DOK6: variants seen among roughly 807,000 people sequenced by gnomAD.
DOK6 encodes the protein downstream of tyrosine kinase 6.
Under a neutral mutation model 44.0 loss-of-function variants are expected in DOK6, and 22 were observed. The ratio of observed to expected loss-of-function variants is 0.50; its 90% confidence interval spans 0.36 to 0.71. The LOEUF is 0.71. DOK6 is among the 30% of genes least tolerant of loss of function. The probability of loss-of-function intolerance (pLI) is 0.00; values close to 1 mark genes in which losing one functional copy is unlikely to be tolerated. For missense variants in DOK6, 340 were observed against 416.4 expected, an observed-to-expected ratio of 0.82 and a Z score of 1.60; for synonymous variants, 166 against 145.5, an observed-to-expected ratio of 1.14 and a Z score of -1.01.
chr18:69,553,889 C>A (rs1982625659), intron 1 of DOK6, among the ~76,000 whole-genome samples: 2 of 152,188 alleles, frequency 1.3e-5, no homozygotes, highest in East Asian at 3.9e-4. Context: ...TGCTCCTTTA[C>A]AAATTTCAGT....
intron 3 of DOK6, among the ~76,000 whole-genome samples, chr18:69,617,726 AAAAGGGGGAAGGAGG>A (rs1568312817): frequency 0.012 from 1,401 of 112,882 alleles, 1 homozygote; most frequent in East Asian, 0.027. Context: ...AAAGAAAGAA[AAAAGGGGGAAGGAGG>A]GAAGGAAGGA....
rs1982314324 is a variant in DOK6 at position 69,844,965 on chromosome 18, T to C, written c.*3582T>C. The C allele has an allele frequency of 6.6e-6, 1 of 152,188 alleles. No individual in the cohort carries two copies. Among genetic ancestry groups the C allele is most frequent in the South Asian group, 2.1e-4 (1 of 4,828 alleles). 9.4% of individuals were successfully genotyped at this position (152,188 alleles called of 1,614,324 possible). Reference sequence around the variant, plus strand: ...TAGAAAGAGTGGACTGATAAATAACTTTACATTGTTGGTAGTAGTTTCTAC... The same window carrying C: ...TAGAAAGAGTGGACTGATAAATAACCTTACATTGTTGGTAGTAGTTTCTAC... On this transcript the variant is annotated 3_prime_UTR_variant, in exon 8 of 8. Transcript: ENST00000382713.
At chr18:69,572,013 A>G (rs1021454781) in intron 2 of DOK6, among the ~76,000 whole-genome samples, 1 of 152,098 alleles carries the variant, frequency 6.6e-6, no homozygotes, top group African/African-American at 2.4e-5. Context: ...ATTGAAAAAT[A>G]TTGTGTTCTT....
chr18:69,781,575 C>T (rs1382678654), intron 7 of DOK6, among the ~76,000 whole-genome samples: 3 of 152,108 alleles, frequency 2.0e-5, no homozygotes, highest in East Asian at 1.9e-4. Flanking sequence ...TATTACTAAC[C>T]GTTTCTGCAT....
intron 5 of DOK6, among the ~76,000 whole-genome samples, chr18:69,715,927 A>C (rs1161237245): frequency 6.6e-6 from 1 of 152,118 alleles, no homozygotes; most frequent in Non-Finnish European, 1.5e-5. Context: ...TTATATCACT[A>C]CTCTATGAAG....
chr18:69,441,231 T>C (rs895832699), intron 1 of DOK6, among the ~76,000 whole-genome samples: 5 of 152,136 alleles, frequency 3.3e-5, no homozygotes, highest in Non-Finnish European at 7.4e-5. Flanking sequence ...ACTGTTACTG[T>C]AACGTCAAAA....
At chr18:69,748,661 A>T (rs904773707) in intron 6 of DOK6, among the ~76,000 whole-genome samples, 3 of 152,170 alleles carry the variant, frequency 2.0e-5, no homozygotes, top group Admixed American at 6.5e-5. Flanking sequence ...CAAACAACAG[A>T]TGCTGGCAAG....
chr18:69,629,045 A>G (rs2144644250), intron 3 of DOK6, among the ~76,000 whole-genome samples: 1 of 152,350 alleles, frequency 6.6e-6, no homozygotes, highest in Middle Eastern at 3.4e-3. Context: ...AAAAGTGTCA[A>G]TTTAGTCACA....
At chr18:69,636,549 C>T (rs918425268) in intron 3 of DOK6, among the ~76,000 whole-genome samples, 2 of 152,198 alleles carry the variant, frequency 1.3e-5, no homozygotes, top group African/African-American at 4.8e-5. Flanking sequence ...CATTTAACTC[C>T]ACTCATGAAT....
chr18:69,652,684 G>A (rs780658551), intron 3 of DOK6, among the ~76,000 whole-genome samples: 2 of 152,074 alleles, frequency 1.3e-5, no homozygotes, highest in Non-Finnish European at 2.9e-5. Flanking sequence ...TAGGATGTTT[G>A]GGTTCTCAGG....
At chr18:69,834,471 G>C (rs1981987387) in intron 7 of DOK6, among the ~76,000 whole-genome samples, 1 of 152,100 alleles carries the variant, frequency 6.6e-6, no homozygotes, top group Non-Finnish European at 1.5e-5. Context: ...TAGTATAGTA[G>C]ATAAATTATA....
At chr18:69,446,506 A>G (rs1211763144) in intron 1 of DOK6, among the ~76,000 whole-genome samples, 1 of 152,024 alleles carries the variant, frequency 6.6e-6, no homozygotes, top group African/African-American at 2.4e-5. Context: ...GAGTAGTGCC[A>G]CAATAAACAT....
At chr18:69,494,726 C>T (rs1248382823) in intron 1 of DOK6, among the ~76,000 whole-genome samples, 1 of 152,048 alleles carries the variant, frequency 6.6e-6, no homozygotes, top group African/African-American at 2.4e-5. Context: ...GTCTTATTAC[C>T]TTCTCATTTT....
intron 7 of DOK6, among the ~76,000 whole-genome samples, chr18:69,807,547 G>A (rs1981089672): frequency 6.6e-6 from 1 of 151,828 alleles, no homozygotes; most frequent in Admixed American, 6.6e-5. Context: ...GCTTATAAGA[G>A]ACTCACTTCA....
intron 3 of DOK6, among the ~76,000 whole-genome samples, chr18:69,606,207 G>T (rs1035174560): frequency 3.3e-5 from 5 of 151,808 alleles, no homozygotes; most frequent in Non-Finnish European, 7.4e-5. Flanking sequence ...GGAAGGCAGA[G>T]GTTGCAGTAA....
At position 69,702,532 on chromosome 18, in the gene DOK6, A is replaced by C. The variant is rs1274461649; in HGVS notation, c.599+3939A>C. Among the ~76,000 whole-genome samples, 3 of 152,220 alleles carry C rather than the reference A, an allele frequency of 2.0e-5. No individual in the cohort carries two copies. In the East Asian group the frequency reaches 5.8e-4, roughly 29 times the overall value. ...TCACTACCACCACTTGGCAGCCATC[A>C]TTTGGAGGCTGCTGTTCCATAGACG... On this transcript the variant is annotated intron_variant, in intron 5 of 7. Transcript: ENST00000382713.
chr18:69,634,849 A>T lies in DOK6; in HGVS notation c.289+35351A>T, dbSNP rs118184056. The stretch of plus-strand genomic sequence containing the variant: ...AGATTCCTTTACCATATTACTGGTA[A>T]AATTAAACATCCTTGGTATTTTGTA... On this transcript the variant is annotated intron_variant, in intron 3 of 7. Coordinates refer to ENST00000382713, the MANE Select transcript of DOK6 (RefSeq NM_152721.6). Among the ~76,000 whole-genome samples the T allele has an allele frequency of 7.6e-3, 1,154 of 152,310 alleles. 13 individuals are homozygous for T. Among genetic ancestry groups the T allele is most frequent in the South Asian group, 0.02 (95 of 4,822 alleles).
chr18:69,557,663 A>G (rs1276338856), intron 1 of DOK6, among the ~76,000 whole-genome samples: 1 of 152,110 alleles, frequency 6.6e-6, no homozygotes, highest in Non-Finnish European at 1.5e-5. Context: ...AATTTTCTAT[A>G]TGGGAATCGG....
At chr18:69,823,998 C>G (rs1381632515) in intron 7 of DOK6, among the ~76,000 whole-genome samples, 2 of 151,952 alleles carry the variant, frequency 1.3e-5, no homozygotes, top group Non-Finnish European at 1.5e-5. Context: ...CCAAAAAAAG[C>G]AAACAGAAAC....
Sources: allele counts gnomAD v4.1 joint callset (sites outside exome capture counted in the v4.1 genomes callset), GRCh38; gene constraint gnomAD v4.1.1; transcripts MANE v1.5; gene names NCBI Gene and HGNC (gene_info 2026-07-23, HGNC 2026-07-21).